PTPRD: variants seen among roughly 807,000 people sequenced by gnomAD.
PTPRD encodes the protein protein tyrosine phosphatase receptor type D.
A neutral mutation model predicts 214.5 loss-of-function variants in PTPRD; 34 were observed. The observed-to-expected ratio is 0.16, with a 90% confidence interval of 0.12 to 0.21. PTPRD has a LOEUF of 0.21. Ranked by LOEUF, PTPRD falls within the 10% of genes least tolerant of loss-of-function variation. The pLI, the probability that PTPRD is intolerant of heterozygous loss-of-function variation, is 1.00. For missense variants in PTPRD, 2,545 were observed against 2,398.7 expected (o/e 1.06, Z -1.27); for synonymous variants, 1,128 against 845.7 (o/e 1.33, Z -5.79).
At chr9:9,555,510 A>G (rs932234130) in intron 8 of PTPRD, among the ~76,000 whole-genome samples, 1 of 152,086 alleles carries the variant, frequency 6.6e-6, no homozygotes, top group Non-Finnish European at 1.5e-5. Context: ...AAACATATAC[A>G]CATGCACATA....
At chr9:9,781,624 G>C (rs1415000409) in intron 5 of PTPRD, among the ~76,000 whole-genome samples, 1 of 152,144 alleles carries the variant, frequency 6.6e-6, no homozygotes, top group Non-Finnish European at 1.5e-5. Context: ...TGCTCAACAA[G>C]TGTTTCCTTT....
At chr9:9,723,285 A>C (rs1017999139) in intron 7 of PTPRD, among the ~76,000 whole-genome samples, 3 of 152,012 alleles carry the variant, frequency 2.0e-5, no homozygotes, top group Non-Finnish European at 1.5e-5. Flanking sequence ...TACTTTCTCC[A>C]TTGGGTTATC....
intron 8 of PTPRD, among the ~76,000 whole-genome samples, chr9:9,453,590 G>C (rs2092569440): frequency 6.6e-6 from 1 of 151,514 alleles, no homozygotes; most frequent in South Asian, 2.1e-4. Flanking sequence ...AACATGAAAA[G>C]AACAATTCCA....
chr9:10,509,557 T>TTTTATATATATA (rs1555449948), intron 2 of PTPRD, among the ~76,000 whole-genome samples: 4 of 106,690 alleles, frequency 3.7e-5, no homozygotes, highest in African/African-American at 8.0e-5. Flanking sequence ...TTAATAAATA[T>TTTTATATATATA]TATATATATA....
intron 3 of PTPRD, among the ~76,000 whole-genome samples, chr9:10,189,976 T>C (rs184005811): frequency 6.6e-6 from 1 of 151,548 alleles, no homozygotes; most frequent in East Asian, 1.9e-4. Flanking sequence ...AAAATGGAGG[T>C]AAGAGATAAA....
intron 5 of PTPRD, among the ~76,000 whole-genome samples, chr9:9,816,408 C>A (rs947808973): frequency 1.3e-5 from 2 of 151,980 alleles, no homozygotes; most frequent in African/African-American, 4.8e-5. Flanking sequence ...TTATGTTCCA[C>A]ACAAATAAGC....
At chr9:10,544,646 C>T (rs982346691) in intron 2 of PTPRD, among the ~76,000 whole-genome samples, 8 of 152,290 alleles carry the variant, frequency 5.3e-5, no homozygotes, top group Admixed American at 1.3e-4. Context: ...GAAAGCTCGT[C>T]AGGTCAGACA....
chr9:10,399,903 A>T (rs1013205220), intron 2 of PTPRD, among the ~76,000 whole-genome samples: 1 of 151,828 alleles, frequency 6.6e-6, no homozygotes, highest in Non-Finnish European at 1.5e-5. Flanking sequence ...ATGGGACCCT[A>T]AAAGACTTGT....
At chr9:8,526,367 G>C (rs1465468603) in intron 17 of PTPRD, among the ~76,000 whole-genome samples, 3 of 151,710 alleles carry the variant, frequency 2.0e-5, no homozygotes, top group Non-Finnish European at 2.9e-5. Context: ...TAAAGACCTG[G>C]ATATGCTTTC....
intron 3 of PTPRD, among the ~76,000 whole-genome samples, chr9:10,166,694 G>A (rs1306513517): frequency 6.6e-6 from 1 of 151,944 alleles, no homozygotes; most frequent in Non-Finnish European, 1.5e-5. Context: ...TTCTTCCCTA[G>A]CACTTGGAAG....
At chr9:9,119,143 G>A (rs1390703298) in intron 10 of PTPRD, among the ~76,000 whole-genome samples, 1 of 152,170 alleles carries the variant, frequency 6.6e-6, no homozygotes, top group Non-Finnish European at 1.5e-5. Context: ...GTTCTCTGCA[G>A]AAGTGAAGTG....
At chr9:9,106,759 G>A (rs559618149) in intron 10 of PTPRD, among the ~76,000 whole-genome samples, 1 of 152,074 alleles carries the variant, frequency 6.6e-6, no homozygotes, top group South Asian at 2.1e-4. Context: ...TTCAATACAT[G>A]ATAGTTGTTC....
chr9:9,819,544 T>C (rs758479451), intron 5 of PTPRD, among the ~76,000 whole-genome samples: 1 of 152,192 alleles, frequency 6.6e-6, no homozygotes, highest in African/African-American at 2.4e-5. Context: ...ATAGGGTACA[T>C]GTGCAGGTTT....
intron 9 of PTPRD, among the ~76,000 whole-genome samples, chr9:9,275,147 A>ATATATT (rs1436701700): frequency 1.9e-5 from 1 of 53,092 alleles, no homozygotes; most frequent in African/African-American, 9.2e-5. Context: ...ATATATATAT[A>ATATATT]ATATATTATA....
chr9:9,120,398 G>A (rs2099816490), intron 10 of PTPRD, among the ~76,000 whole-genome samples: 1 of 152,186 alleles, frequency 6.6e-6, no homozygotes, highest in African/African-American at 2.4e-5. Flanking sequence ...GAACCTCCAA[G>A]GAACTCTGCA....
chr9:9,658,114 T>C (rs1212828025), intron 7 of PTPRD, among the ~76,000 whole-genome samples: 2 of 152,210 alleles, frequency 1.3e-5, no homozygotes, highest in African/African-American at 4.8e-5. Flanking sequence ...ATTTTTTTTA[T>C]TTAATGAGAG....
At chr9:8,961,218 C>A (rs777550057) in intron 11 of PTPRD, among the ~76,000 whole-genome samples, 11 of 151,984 alleles carry the variant, frequency 7.2e-5, no homozygotes, top group Non-Finnish European at 1.2e-4. Flanking sequence ...TGCGAGCTTT[C>A]CAGGTGGACA....
intron 2 of PTPRD, among the ~76,000 whole-genome samples, chr9:10,576,314 T>C (rs564710024): frequency 2.6e-5 from 4 of 152,268 alleles, no homozygotes; most frequent in African/African-American, 9.6e-5. Context: ...GGATATACTG[T>C]GACTTTGAGG....
chr9:8,324,079 G>C (rs371466391), intron 44 of PTPRD, among the ~76,000 whole-genome samples: 1 of 151,612 alleles, frequency 6.6e-6, no homozygotes, highest in African/African-American at 2.4e-5. Context: ...AAAACTTACC[G>C]GAGGCTCAGA....
Sources: gnomAD v4.1 joint callset for allele counts (sites outside exome capture counted in the v4.1 genomes callset) on GRCh38, gnomAD v4.1.1 for gene constraint, MANE v1.5 for transcripts, NCBI Gene and HGNC (gene_info 2026-07-23, HGNC 2026-07-21) for gene names.